The following NMT1 variants were observed in gnomAD, a reference collection of about 807,000 sequenced individuals.
The protein encoded by NMT1 is N-myristoyltransferase 1.
In NMT1, 12 loss-of-function variants were observed where a neutral mutation model predicts 63.4. That is an observed-to-expected ratio of 0.19 (90% confidence interval 0.12 to 0.31). The LOEUF (loss-of-function observed/expected upper bound fraction) is 0.31. Among genes scored for constraint, NMT1 ranks in the 10% least tolerant of loss-of-function variants. NMT1 has a pLI of 1.00. For missense variants in NMT1, 432 were observed against 634.6 expected (o/e 0.68, Z 3.43); for synonymous variants, 228 against 234.3 (o/e 0.97, Z 0.25).
chr17:45,075,522 C>T (rs754977285), intron 1 of NMT1, among the ~76,000 whole-genome samples: 26 of 151,056 alleles, frequency 1.7e-4, no homozygotes, highest in Non-Finnish European at 1.9e-4. Context: ...TGGCTCACGC[C>T]TGTAATCCCA....
chr17:45,099,836 T>C (rs1385245034), intron 8 of NMT1: 11 of 293,214 alleles, frequency 3.8e-5, no homozygotes, highest in Non-Finnish European at 6.6e-5. Context: ...TTAGTGAACC[T>C]TCATACACAC....
chr17:45,097,380 G>A (rs2054132209), intron 6 of NMT1, 136 bp downstream of exon 6: 15 of 726,958 alleles, frequency 2.1e-5, no homozygotes, highest in South Asian at 1.4e-4. Context: ...GCCCAGGTGC[G>A]GGGACTGCAG....
At position 45,104,813 on chromosome 17, in the gene NMT1, C is replaced by T. The variant is rs1489016808; in HGVS notation, c.1333-46C>T. 1.9e-6 allele frequency: 3 copies of T among 1,609,802 alleles called. No individual in the cohort carries two copies. The highest frequency in any genetic ancestry group is 2.5e-6 in the Non-Finnish European group (3 of 1,176,514). On this transcript the variant is annotated intron_variant, in intron 10 of 11. Coordinates refer to ENST00000258960, the MANE Select transcript of NMT1 (RefSeq NM_021079.5). This position sits in a 1 kb window ranked among gnomAD's most constrained non-coding sequence, Gnocchi z 4.2. ...AGCAAAGGGGTAGGAAGGAGGCTGT[C>T]CCCACCTGTCCTCACCTGTTCTTGT...
chr17:45,066,737 C>T (rs190626247), intron 1 of NMT1, among the ~76,000 whole-genome samples: 1 of 152,162 alleles, frequency 6.6e-6, no homozygotes, highest in African/African-American at 2.4e-5. Context: ...ACTTTGGAAA[C>T]AGGGCCTCGC....
chr17:45,067,527 T>C (rs2053910801), intron 1 of NMT1, among the ~76,000 whole-genome samples: 1 of 152,260 alleles, frequency 6.6e-6, no homozygotes, highest in Non-Finnish European at 1.5e-5. Flanking sequence ...AAAGTCTTTC[T>C]GAAAATAAAT....
Position 45,067,199 on chromosome 17 carries a change from A to G in NMT1, c.131+5739A>G, listed in dbSNP as rs1339636118. ...TTTTTTTTTAATGAGAGTCTTTCCA[A>G]GAAGTATTGCCAAAGAATAAATCTC... On this transcript the variant is annotated intron_variant, in intron 1 of 11. Coordinates refer to ENST00000258960, the MANE Select transcript of NMT1 (RefSeq NM_021079.5). 2.0e-5 allele frequency among the ~76,000 whole-genome samples: 3 copies of G among 151,910 alleles called. No individual in the cohort carries two copies. In the East Asian group the frequency reaches 5.8e-4, roughly 29 times the overall value.
chr17:45,096,869 AC>A (rs2054128035), intron 5 of NMT1, among the ~76,000 whole-genome samples: 1 of 152,250 alleles, frequency 6.6e-6, no homozygotes, highest in South Asian at 2.1e-4. Context: ...CAAAGTGAAC[AC>A]AGAAATTGGA....
intron 2 of NMT1, among the ~76,000 whole-genome samples, chr17:45,084,416 G>A (rs1479503739): frequency 1.3e-5 from 2 of 148,820 alleles, no homozygotes; most frequent in African/African-American, 2.5e-5. Context: ...CTCACTGCCA[G>A]CTCCACCTCC....
rs769836303 is a variant in NMT1 at position 45,107,395 on chromosome 17, G to A, written c.*1756G>A. 2.0e-5 allele frequency: 3 copies of A among 152,670 alleles called. No homozygotes were observed. Among genetic ancestry groups the A allele is most frequent in the Admixed American group, 1.3e-4 (2 of 15,288 alleles). The allele number at this position is 152,670 out of a possible 1,614,324, so 9.5% of individuals were successfully genotyped here. ...GGCCCTCCCTTTTCCCATTGTTCCTGCGCTGCAAATTGCAGGCCCCAGCAA... is the reference window on the plus strand; with the variant it reads ...GGCCCTCCCTTTTCCCATTGTTCCTACGCTGCAAATTGCAGGCCCCAGCAA... On this transcript the variant is annotated 3_prime_UTR_variant, in exon 12 of 12. Transcript: ENST00000258960.
intron 1 of NMT1, among the ~76,000 whole-genome samples, chr17:45,079,739 G>A (rs957772817): frequency 1.3e-5 from 2 of 151,800 alleles, no homozygotes; most frequent in African/African-American, 4.8e-5. Context: ...TCGCTCTGTC[G>A]CCCAGGCTGG....
chr17:45,082,355 A>G (rs938496477), intron 2 of NMT1, among the ~76,000 whole-genome samples: 9 of 151,896 alleles, frequency 5.9e-5, no homozygotes, highest in Non-Finnish European at 8.8e-5. Flanking sequence ...GGCTCAAGCA[A>G]TCCTCCTGCC....
intron 2 of NMT1, chr17:45,083,588 A>C (rs2054030938): frequency 6.6e-6 from 1 of 152,144 alleles, no homozygotes; most frequent in Non-Finnish European, 1.5e-5. Context: ...AACCATCACC[A>C]TCCCTACAAG....
intron 1 of NMT1, 82 bp downstream of exon 1, chr17:45,061,542 T>A: frequency 7.9e-7 from 1 of 1,272,418 alleles, no homozygotes; most frequent in Non-Finnish European, 1.1e-6. Context: ...ACCGGGAGCT[T>A]AGTCTAGCCC....
chr17:45,093,215 C>T (rs1024040680), intron 3 of NMT1, among the ~76,000 whole-genome samples: 1 of 152,194 alleles, frequency 6.6e-6, no homozygotes, highest in African/African-American at 2.4e-5. Flanking sequence ...GGCAGGGCCA[C>T]GATTGAGCCT....
rs1340643287 is a variant in NMT1, at chr17:45,106,735, C to T, written c.*1096C>T. On this transcript the variant is annotated 3_prime_UTR_variant, in exon 12 of 12. Transcript: ENST00000258960. Reference sequence around the variant, plus strand: ...CCCATTAGCCATTTCTTGTTGTGCCCCTTTCCAAGATACAGCCTGCAAGTG... The same window carrying T: ...CCCATTAGCCATTTCTTGTTGTGCCTCTTTCCAAGATACAGCCTGCAAGTG... The T allele has an allele frequency of 6.5e-6, 1 of 152,686 alleles. No homozygotes were observed. The highest frequency in any genetic ancestry group is 6.5e-5 in the Admixed American group (1 of 15,278). 9.5% of individuals were successfully genotyped at this position (152,686 alleles called of 1,614,324 possible).
chr17:45,098,335 C>T, intron 6 of NMT1, 47 bp from the exon 7 acceptor site: 1 of 1,581,998 alleles, frequency 6.3e-7, no homozygotes, highest in Non-Finnish European at 8.6e-7. Context: ...GATCACCATT[C>T]CCTTCCCTGT....
intron 8 of NMT1, among the ~76,000 whole-genome samples, chr17:45,100,481 T>C (rs1389380329): frequency 4.0e-5 from 6 of 151,414 alleles, no homozygotes; most frequent in Non-Finnish European, 8.8e-5. Flanking sequence ...GGCAGGAGAA[T>C]GGCATGGACC....
chr17:45,068,869 A>T (rs1598001875), intron 1 of NMT1, among the ~76,000 whole-genome samples: 1 of 152,020 alleles, frequency 6.6e-6, no homozygotes, highest in Non-Finnish European at 1.5e-5. Context: ...CTGGTCTCGA[A>T]CTCCTGGCCT....
chr17:45,086,014 G>T (rs1041425453), intron 2 of NMT1, among the ~76,000 whole-genome samples: 8 of 151,642 alleles, frequency 5.3e-5, no homozygotes, highest in African/African-American at 1.9e-4. Context: ...TAGAGACAGG[G>T]TTTCACCATG....
Sources: gnomAD v4.1 joint callset for allele counts (sites outside exome capture counted in the v4.1 genomes callset) on GRCh38, gnomAD v4.1.1 for gene constraint, Gnocchi (gnomAD v3.1) non-coding constraint, MANE v1.5 for transcripts, NCBI Gene and HGNC (gene_info 2026-07-23, HGNC 2026-07-21) for gene names.